Variants in MBNL2 observed in about 807,000 individuals in gnomAD.
MBNL2 encodes muscleblind-like protein 2.
A neutral mutation model predicts 41.9 loss-of-function variants in MBNL2; 17 were observed. The ratio of observed to expected loss-of-function variants is 0.41; its 90% CI spans 0.28 to 0.61. MBNL2 has a LOEUF of 0.61. Among genes scored for constraint, MBNL2 ranks in the 20% least tolerant of loss-of-function variants. The pLI is 0.35. For missense variants in MBNL2, 336 were observed against 505.6 expected (o/e 0.66, Z 3.22); for synonymous variants, 195 against 182.9 (o/e 1.07, Z -0.53).
chr13:97,208,398 C>T, the MBNL2 span, among the ~76,000 whole-genome samples: 1 of 152,160 alleles, frequency 6.6e-6, no homozygotes, highest in Non-Finnish European at 1.5e-5. Context: ...GACAACATAC[C>T]TCTGATTCCT....
chr13:97,306,004 G>A (rs963737842), intron 2 of MBNL2, among the ~76,000 whole-genome samples: 6 of 152,180 alleles, frequency 3.9e-5, no homozygotes, highest in African/African-American at 1.4e-4. Context: ...CCTGAGCCCG[G>A]AGGTGTCCTG....
At chr13:97,282,576 T>A (rs1392695802) in intron 2 of MBNL2, among the ~76,000 whole-genome samples, 1 of 152,192 alleles carries the variant, frequency 6.6e-6, no homozygotes, top group African/African-American at 2.4e-5. Flanking sequence ...ATTGTTGGTG[T>A]GTGTGTGTGC....
At chr13:97,337,661 A>G (rs1270368264) in intron 3 of MBNL2, among the ~76,000 whole-genome samples, 1 of 152,202 alleles carries the variant, frequency 6.6e-6, no homozygotes, top group African/African-American at 2.4e-5. Context: ...TCTTAAAGGA[A>G]CTTGACCCGT....
rs558033246 is a variant in MBNL2, at chr13:97,283,595, A to G, written c.174+7186A>G. On this transcript the variant is annotated intron_variant, in intron 2 of 8. Coordinates refer to ENST00000679496, the MANE Select transcript of MBNL2 (RefSeq NM_001382683.1). Reference sequence around the variant, plus strand: ...AATCTTTACCCAGGAAAGTATCCATACTCACAGACTATTTCAAACAATCTG... The same window carrying G: ...AATCTTTACCCAGGAAAGTATCCATGCTCACAGACTATTTCAAACAATCTG... Among the ~76,000 whole-genome samples, 47 of 152,264 alleles carry G rather than the reference A, an allele frequency of 3.1e-4. 1 individual carries two copies. The South Asian group carries it at 9.5e-3, about 31-fold the overall frequency.
At chr13:97,368,665 A>T (rs893398164) in intron 8 of MBNL2, among the ~76,000 whole-genome samples, 5 of 151,808 alleles carry the variant, frequency 3.3e-5, no homozygotes, top group Non-Finnish European at 5.9e-5. Context: ...TAGAAAAAAA[A>T]CTTTGAGAGA....
chr13:97,377,075 C>T (rs1219557744), intron 8 of MBNL2, among the ~76,000 whole-genome samples: 2 of 152,164 alleles, frequency 1.3e-5, no homozygotes, highest in Non-Finnish European at 2.9e-5. Flanking sequence ...GCTACCCTCA[C>T]AAAGAACCCA....
At chr13:97,206,252 C>CT in the MBNL2 span, among the ~76,000 whole-genome samples, 1 of 151,740 alleles carries the variant, frequency 6.6e-6, no homozygotes, top group Non-Finnish European at 1.5e-5. Context: ...GATTTTTTTT[C>CT]TTTTTTCTGT....
the MBNL2 span, among the ~76,000 whole-genome samples, chr13:97,197,026 T>G: frequency 0.12 from 17,718 of 152,146 alleles, 1,727 homozygotes; most frequent in African/African-American, 0.27. Flanking sequence ...TTGCTTTCAG[T>G]GATACTGCAA....
At chr13:97,226,439 C>T (rs1371531811) in intron 1 of MBNL2, among the ~76,000 whole-genome samples, 1 of 152,208 alleles carries the variant, frequency 6.6e-6, no homozygotes, top group East Asian at 1.9e-4. Flanking sequence ...GCTTCCCTGG[C>T]TTTTGCTATT....
At chr13:97,302,000 G>A (rs984592593) in intron 2 of MBNL2, among the ~76,000 whole-genome samples, 1 of 152,174 alleles carries the variant, frequency 6.6e-6, no homozygotes, top group African/African-American at 2.4e-5. Flanking sequence ...CCATATTCCA[G>A]TGTTTTCTCA....
chr13:97,302,598 C>G (rs1219324217), intron 2 of MBNL2, among the ~76,000 whole-genome samples: 2 of 152,162 alleles, frequency 1.3e-5, no homozygotes, highest in Non-Finnish European at 2.9e-5. Flanking sequence ...ACAGATGAAC[C>G]TTAGAGAATT....
At chr13:97,350,220 T>A (rs2062311462) in intron 5 of MBNL2, among the ~76,000 whole-genome samples, 1 of 152,250 alleles carries the variant, frequency 6.6e-6, no homozygotes, top group Non-Finnish European at 1.5e-5. Context: ...GAACATTATG[T>A]CTGAAGAATA....
chr13:97,355,659 T>G (rs938621889), intron 5 of MBNL2, among the ~76,000 whole-genome samples: 2 of 152,152 alleles, frequency 1.3e-5, no homozygotes, highest in Admixed American at 6.5e-5. Flanking sequence ...TTCATTGTGG[T>G]CTAAATCAAT....
chr13:97,198,858 C>T, the MBNL2 span, among the ~76,000 whole-genome samples: 1 of 152,166 alleles, frequency 6.6e-6, no homozygotes, highest in Non-Finnish European at 1.5e-5. Context: ...AGTACTGTCT[C>T]TTGCCTACCA....
At chr13:97,227,759 G>T (rs2041858502) in intron 1 of MBNL2, among the ~76,000 whole-genome samples, 1 of 152,176 alleles carries the variant, frequency 6.6e-6, no homozygotes, top group Non-Finnish European at 1.5e-5. Flanking sequence ...GCCTTCATGG[G>T]CAGCGTGTGC....
At chr13:97,341,964 G>A (rs1366492732) in intron 3 of MBNL2, among the ~76,000 whole-genome samples, 2 of 152,182 alleles carry the variant, frequency 1.3e-5, no homozygotes, top group Non-Finnish European at 2.9e-5. Context: ...TAAGTTCAGT[G>A]TTAAAAGACT....
At chr13:97,328,375 T>C (rs1395769716) in intron 2 of MBNL2, among the ~76,000 whole-genome samples, 1 of 152,132 alleles carries the variant, frequency 6.6e-6, no homozygotes, top group Admixed American at 6.5e-5. Context: ...TAAAGCAGGC[T>C]CCAGGACTCA....
chr13:97,381,802 T>C (rs1051175174), intron 8 of MBNL2, among the ~76,000 whole-genome samples: 3 of 151,936 alleles, frequency 2.0e-5, no homozygotes, highest in Admixed American at 2.0e-4. Context: ...ATATTTTCAA[T>C]GTATACAACA....
At chr13:97,373,188 A>G (rs1459702687) in intron 8 of MBNL2, among the ~76,000 whole-genome samples, 3 of 152,192 alleles carry the variant, frequency 2.0e-5, no homozygotes, top group Admixed American at 1.3e-4. Context: ...TCTCCAAAAA[A>G]GCAGAGACAG....
Sources: allele counts gnomAD v4.1 joint callset (sites outside exome capture counted in the v4.1 genomes callset), GRCh38; gene constraint gnomAD v4.1.1; transcripts MANE v1.5; gene names NCBI Gene and HGNC (gene_info 2026-07-23, HGNC 2026-07-21).